The following ANO3 variants were observed in gnomAD, a reference collection of about 807,000 sequenced individuals.
The protein encoded by ANO3 is anoctamin 3.
ANO3 carries 99 observed loss-of-function variants against 144.8 expected under a neutral mutation model. The ratio of observed to expected loss-of-function variants is 0.68; its 90% CI spans 0.58 to 0.81. ANO3 has a LOEUF of 0.81. Among genes scored for constraint, ANO3 ranks in the 30% least tolerant of loss-of-function variants. ANO3 has a pLI of 0.00. For synonymous variants in ANO3, 414 were observed against 392.6 expected, an observed-to-expected ratio of 1.05 and a Z score of -0.64; for missense variants, 905 against 1,202.2, an observed-to-expected ratio of 0.75 and a Z score of 3.66.
At chr11:26,485,124 T>C (rs1313607652) in intron 4 of ANO3, among the ~76,000 whole-genome samples, 2 of 152,184 alleles carry the variant, frequency 1.3e-5, no homozygotes. Flanking sequence ...CTGAAATTAG[T>C]TAAGACTTTG....
chr11:26,226,810 A>G (rs1189401051), intron 1 of ANO3, among the ~76,000 whole-genome samples: 4 of 152,108 alleles, frequency 2.6e-5, no homozygotes, highest in Admixed American at 2.6e-4. Flanking sequence ...TTCCAGTTTA[A>G]CCATTTTTAA....
At chr11:26,655,748 A>G (rs1433093855) in intron 24 of ANO3, among the ~76,000 whole-genome samples, 3 of 152,186 alleles carry the variant, frequency 2.0e-5, no homozygotes, top group African/African-American at 7.2e-5. Context: ...TAAGTAAAAA[A>G]TAAGCAATGT....
intron 4 of ANO3, among the ~76,000 whole-genome samples, chr11:26,486,527 A>T (rs947732363): frequency 6.6e-6 from 1 of 152,190 alleles, no homozygotes; most frequent in Non-Finnish European, 1.5e-5. Flanking sequence ...CTTTGGCGTG[A>T]TCAAAACATT....
intron 12 of ANO3, among the ~76,000 whole-genome samples, chr11:26,551,792 A>G (rs182681088): frequency 1.3e-5 from 2 of 151,950 alleles, no homozygotes; most frequent in African/African-American, 4.8e-5. Context: ...GAGGAGATAT[A>G]ATCTTCTCTT....
chr11:26,281,276 T>C (rs1475559361), intron 1 of ANO3, among the ~76,000 whole-genome samples: 1 of 152,174 alleles, frequency 6.6e-6, no homozygotes. Flanking sequence ...TGGCACACAA[T>C]TTCTGTTCCA....
At chr11:26,610,057 G>A (rs1207760467) in intron 17 of ANO3, among the ~76,000 whole-genome samples, 43 of 152,152 alleles carry the variant, frequency 2.8e-4, no homozygotes, top group Admixed American at 2.6e-3. Context: ...GATTACAGGC[G>A]TGTGCCACCG....
At chr11:26,473,618 A>AGTT (rs3038238) in intron 4 of ANO3, among the ~76,000 whole-genome samples, 133,099 of 151,602 alleles carry the variant, frequency 0.88, 59,124 homozygotes, top group South Asian at 0.96. Flanking sequence ...TTAAAAAGTT[A>AGTT]GTATTTTCCA....
chr11:26,322,147 G>C (rs1854775220), intron 1 of ANO3, among the ~76,000 whole-genome samples: 1 of 151,914 alleles, frequency 6.6e-6, no homozygotes, highest in Admixed American at 6.6e-5. Flanking sequence ...CAAAACCATG[G>C]TATTTAGCTC....
intron 1 of ANO3, among the ~76,000 whole-genome samples, chr11:26,270,991 G>T (rs2133836050): frequency 6.6e-6 from 1 of 152,316 alleles, no homozygotes; most frequent in East Asian, 1.9e-4. Context: ...GAAGAGAGTG[G>T]TAGAAGGTAG....
intron 4 of ANO3, among the ~76,000 whole-genome samples, chr11:26,479,957 G>T (rs1049871030): frequency 6.6e-6 from 1 of 152,090 alleles, no homozygotes; most frequent in Non-Finnish European, 1.5e-5. Context: ...AAATGTCATC[G>T]CTAGGGGCAG....
At chr11:26,457,056 C>T (rs1198277456) in intron 3 of ANO3, among the ~76,000 whole-genome samples, 9 of 131,926 alleles carry the variant, frequency 6.8e-5, no homozygotes, top group Non-Finnish European at 1.4e-4. Flanking sequence ...AGGGGAACAT[C>T]ACACTCTGGG....
intron 1 of ANO3, among the ~76,000 whole-genome samples, chr11:26,259,382 G>A (rs1306785232): frequency 2.6e-5 from 4 of 152,170 alleles, no homozygotes; most frequent in Non-Finnish European, 5.9e-5. Flanking sequence ...AGGCATGGTG[G>A]CTCACGCCTA....
intron 1 of ANO3, among the ~76,000 whole-genome samples, chr11:26,394,377 C>T (rs1241776934): frequency 2.6e-5 from 4 of 151,916 alleles, no homozygotes; most frequent in Non-Finnish European, 5.9e-5. Flanking sequence ...TTATATATTA[C>T]AAATGGGTTT....
chr11:26,351,219 G>C (rs1389572019), intron 1 of ANO3, among the ~76,000 whole-genome samples: 1 of 151,808 alleles, frequency 6.6e-6, no homozygotes, highest in African/African-American at 2.4e-5. Flanking sequence ...CAATAATTCA[G>C]TTTTTCCATG....
At chr11:26,233,505 T>G (rs1852448445) in intron 1 of ANO3, among the ~76,000 whole-genome samples, 2 of 152,160 alleles carry the variant, frequency 1.3e-5, no homozygotes, top group African/African-American at 2.4e-5. Context: ...GAGTGTAAAT[T>G]AGTTCAACCA....
At chr11:26,520,813 G>T (rs1392728787) in intron 6 of ANO3, among the ~76,000 whole-genome samples, 1 of 152,080 alleles carries the variant, frequency 6.6e-6, no homozygotes, top group Non-Finnish European at 1.5e-5. Context: ...TAAATTTTTA[G>T]CAAGCATTCC....
chr11:26,578,546 G>A (rs148067367), intron 14 of ANO3, among the ~76,000 whole-genome samples: 11 of 152,288 alleles, frequency 7.2e-5, no homozygotes, highest in Admixed American at 2.0e-4. Flanking sequence ...AGGAGCGGGC[G>A]ATCATCACAA....
Position 26,631,477 on chromosome 11 carries a change from A to G in ANO3, c.1874-2727A>G, listed in dbSNP as rs181387957. On this transcript the variant is annotated intron_variant, in intron 18 of 26. Coordinates refer to ENST00000256737, the MANE Select transcript of ANO3 (RefSeq NM_031418.4). The stretch of plus-strand genomic sequence containing the variant: ...ACAAATCATTAAACAAATTTTTAAA[A>G]GTGTGTTTGTATTTATCTCCAGACC... Among the ~76,000 whole-genome samples the G allele has an allele frequency of 4.6e-5, 7 of 152,276 alleles. No individual in the cohort carries two copies. In the South Asian group the frequency reaches 1.5e-3, roughly 32 times the overall value.
chr11:26,566,870 A>C (rs1005927403), intron 14 of ANO3, among the ~76,000 whole-genome samples: 6 of 151,954 alleles, frequency 3.9e-5, no homozygotes, highest in Non-Finnish European at 7.4e-5. Context: ...CATTATAATT[A>C]ACTTCAGAGT....
Sources: allele counts gnomAD v4.1 joint callset (sites outside exome capture counted in the v4.1 genomes callset), GRCh38; gene constraint gnomAD v4.1.1; transcripts MANE v1.5; gene names NCBI Gene and HGNC (gene_info 2026-07-23, HGNC 2026-07-21).